The following PDZRN3 variants were observed in gnomAD, a reference collection of about 807,000 sequenced individuals.
PDZRN3 encodes the protein PDZ domain containing ring finger 3.
PDZRN3 carries 38 observed loss-of-function variants against 85.7 expected under a neutral mutation model. That is an observed-to-expected ratio of 0.44 (90% CI 0.34 to 0.58). The LOEUF is 0.58. Among genes scored for constraint, PDZRN3 ranks in the 20% least tolerant of loss-of-function variants. PDZRN3 has a pLI of 0.01. For missense variants in PDZRN3, 1,629 were observed against 1,506.4 expected (o/e 1.08, Z -1.35); for synonymous variants, 759 against 638.0 (o/e 1.19, Z -2.86).
intron 3 of PDZRN3, among the ~76,000 whole-genome samples, chr3:73,555,315 G>A (rs541607080): frequency 6.4e-4 from 97 of 152,162 alleles, no homozygotes; most frequent in African/African-American, 2.1e-3. Flanking sequence ...GGAAGCTCTC[G>A]GAAGAAACAC....
At chr3:73,532,228 C>T (rs1236371987) in intron 3 of PDZRN3, among the ~76,000 whole-genome samples, 1 of 152,062 alleles carries the variant, frequency 6.6e-6, no homozygotes, top group Non-Finnish European at 1.5e-5. Context: ...GTCTCGATCT[C>T]CTGACCTCGT....
intron 3 of PDZRN3, among the ~76,000 whole-genome samples, chr3:73,441,804 C>T (rs1158923517): frequency 6.6e-6 from 1 of 152,212 alleles, no homozygotes; most frequent in Non-Finnish European, 1.5e-5. Flanking sequence ...ATCCAGGAAA[C>T]ACAATGTACT....
chr3:73,439,634 A>G (rs373514706), intron 3 of PDZRN3, among the ~76,000 whole-genome samples: 3 of 152,352 alleles, frequency 2.0e-5, no homozygotes, highest in Admixed American at 6.5e-5. Context: ...GCACACACAA[A>G]AAATGTCAAA....
chr3:73,439,496 G>A (rs1702592438), intron 3 of PDZRN3, among the ~76,000 whole-genome samples: 1 of 152,178 alleles, frequency 6.6e-6, no homozygotes, highest in Non-Finnish European at 1.5e-5. Flanking sequence ...CCTTGTCAAA[G>A]TGACTTTTCA....
chr3:73,442,189 C>T (rs1449791437), intron 3 of PDZRN3, among the ~76,000 whole-genome samples: 3 of 152,212 alleles, frequency 2.0e-5, no homozygotes, highest in African/African-American at 7.2e-5. Flanking sequence ...CACCTGACAG[C>T]AGGAAAAGAG....
At chr3:73,541,071 T>C (rs1016566827) in intron 3 of PDZRN3, among the ~76,000 whole-genome samples, 1 of 152,176 alleles carries the variant, frequency 6.6e-6, no homozygotes, top group Non-Finnish European at 1.5e-5. Flanking sequence ...AACTTTTAAT[T>C]CCATTTATGG....
chr3:73,594,683 T>TCAG (rs1559751928), intron 3 of PDZRN3, among the ~76,000 whole-genome samples: 1 of 143,398 alleles, frequency 7.0e-6, no homozygotes, highest in African/African-American at 2.5e-5. Context: ...AGTAAGGAGA[T>TCAG]CAGCTGCATT....
At chr3:73,390,101 G>C (rs1010883762) in intron 6 of PDZRN3, among the ~76,000 whole-genome samples, 6 of 152,274 alleles carry the variant, frequency 3.9e-5, no homozygotes, top group Non-Finnish European at 8.8e-5. Flanking sequence ...TAGCAACCCT[G>C]TTACACAGCA....
At chr3:73,397,820 T>A (rs1044980664) in intron 5 of PDZRN3, among the ~76,000 whole-genome samples, 6 of 152,280 alleles carry the variant, frequency 3.9e-5, no homozygotes, top group Admixed American at 3.9e-4. Flanking sequence ...GTGGACAAAA[T>A]GTTAAAGCAA....
intron 3 of PDZRN3, among the ~76,000 whole-genome samples, chr3:73,474,941 G>A (rs1703419816): frequency 1.3e-5 from 2 of 152,102 alleles, no homozygotes; most frequent in Non-Finnish European, 1.5e-5. Flanking sequence ...AGAGCACAGT[G>A]GTTTTTCCAC....
chr3:73,524,978 C>A (rs1704488715), intron 3 of PDZRN3, among the ~76,000 whole-genome samples: 1 of 148,948 alleles, frequency 6.7e-6, no homozygotes, highest in African/African-American at 2.5e-5. Flanking sequence ...ATGAAAATCA[C>A]AGATATAAGA....
Position 73,404,297 on chromosome 3 carries a change from T to G in PDZRN3, c.1017A>C (p.Thr339=). The G allele has an allele frequency of 6.2e-7, 1 of 1,614,176 alleles. No homozygotes were observed. Among genetic ancestry groups the G allele is most frequent in the Non-Finnish European group, 8.5e-7 (1 of 1,180,022 alleles). Residue 339 remains threonine (T), a synonymous_variant, in exon 4 of 10, where the codon ACA becomes ACC. Transcript: ENST00000263666. Reference sequence around the variant, plus strand: ...GAGGCGTGAACATTTTGGTCCTTGGTGTTCTTCTCAACACCTGCACCACTA... The same window carrying G: ...GAGGCGTGAACATTTTGGTCCTTGGGGTTCTTCTCAACACCTGCACCACTA... ...EPIVVQVLRR[T]PRTKMFTPPS... is the part of the protein sequence containing the mutation.
intron 3 of PDZRN3, among the ~76,000 whole-genome samples, chr3:73,539,457 G>GAA (rs1268358417): frequency 3.3e-5 from 5 of 152,162 alleles, no homozygotes; most frequent in Admixed American, 6.5e-5. Flanking sequence ...TCAGGACTCA[G>GAA]TTGCACTAAT....
At position 73,384,870 on chromosome 3, in the gene PDZRN3, C is replaced by T. The variant is rs1365371615; in HGVS notation, c.1696G>A (p.Glu566Lys). 3.1e-6 allele frequency: 5 copies of T among 1,613,756 alleles called. No individual in the cohort carries two copies. Among genetic ancestry groups the T allele is most frequent in the Admixed American group, 1.7e-5 (1 of 59,970 alleles). The stretch of plus-strand genomic sequence containing the variant: ...GTCCGCCCCACACCGCTGTCCTTCT[C>T]GTGCTGGTTGGACAAGATGGTGGCT... ...DTATILSNQH[E>K]KDSGVGRTDE... The change falls in exon 10 of 10, where the codon GAG becomes AAG. Residue 566 changes from glutamate (E) to lysine (K), a missense_variant. By Grantham distance (56) the Glu-to-Lys change is moderately conservative (BLOSUM62 1). Coordinates refer to ENST00000263666, the MANE Select transcript of PDZRN3 (RefSeq NM_015009.3).
At chr3:73,527,005 C>G (rs1704540798) in intron 3 of PDZRN3, among the ~76,000 whole-genome samples, 2 of 152,126 alleles carry the variant, frequency 1.3e-5, no homozygotes. Flanking sequence ...CTCATCACCA[C>G]CCCCAGCTAA....
chr3:73,464,343 G>A (rs747277875), intron 3 of PDZRN3, among the ~76,000 whole-genome samples: 5 of 152,080 alleles, frequency 3.3e-5, no homozygotes, highest in Non-Finnish European at 7.4e-5. Context: ...ACTCACTATT[G>A]TGAGTAATAT....
Position 73,404,316 on chromosome 3 carries a change from A to G in PDZRN3, c.998T>C (p.Val333Ala). ...AFKTAKEPIV[V>A]QVLRRTPRTK... ...CCTTGGTGTTCTTCTCAACACCTGC[A>G]CCACTATGGGCTCCTTGGCTGTCTT... Residue 333 changes from valine to alanine, a missense_variant, in exon 4 of 10, where the codon GTG (valine) becomes GCG (alanine). Coordinates refer to ENST00000263666, the MANE Select transcript of PDZRN3 (RefSeq NM_015009.3). 1 of 1,614,150 alleles carries G rather than the reference A, an allele frequency of 6.2e-7. No homozygotes were observed. The highest frequency in any genetic ancestry group is 8.5e-7 in the Non-Finnish European group (1 of 1,180,008).
At chr3:73,439,478 AC>A (rs1484325030) in intron 3 of PDZRN3, among the ~76,000 whole-genome samples, 2 of 152,174 alleles carry the variant, frequency 1.3e-5, no homozygotes, top group African/African-American at 4.8e-5. Flanking sequence ...TCACTCGTGA[AC>A]CCTCATCCTT....
At chr3:73,407,527 T>C (rs1007323361) in intron 3 of PDZRN3, among the ~76,000 whole-genome samples, 2 of 152,180 alleles carry the variant, frequency 1.3e-5, no homozygotes, top group African/African-American at 2.4e-5. Flanking sequence ...AAATATCACA[T>C]AGATATATTG....
Sources: gnomAD v4.1 joint callset for allele counts (sites outside exome capture counted in the v4.1 genomes callset) on GRCh38, gnomAD v4.1.1 for gene constraint, MANE v1.5 for transcripts, NCBI Gene and HGNC (gene_info 2026-07-23, HGNC 2026-07-21) for gene names.